SCFD2: variants seen among roughly 807,000 people sequenced by gnomAD.
SCFD2 encodes sec1 family domain-containing protein 2.
SCFD2 carries 54 observed loss-of-function variants against 58.9 expected under a neutral mutation model. The ratio of observed to expected loss-of-function variants is 0.92; its 90% CI spans 0.74 to 1.15. The LOEUF (loss-of-function observed/expected upper bound fraction) is 1.15. SCFD2 is among the 50% of genes most tolerant of loss of function. The probability of loss-of-function intolerance (pLI) is 0.00; values close to 1 mark genes in which losing one functional copy is unlikely to be tolerated. For synonymous variants in SCFD2, 321 were observed against 335.9 expected (o/e 0.96, Z 0.49); for missense variants, 805 against 836.6 (o/e 0.96, Z 0.47).
At chr4:53,196,975 A>G (rs1323766803) in intron 4 of SCFD2, among the ~76,000 whole-genome samples, 1 of 152,172 alleles carries the variant, frequency 6.6e-6, no homozygotes, top group Non-Finnish European at 1.5e-5. Context: ...CACGGAAGAT[A>G]GACAAAAGCA....
intron 5 of SCFD2, among the ~76,000 whole-genome samples, chr4:52,985,245 G>T (rs1255341102): frequency 1.3e-5 from 2 of 152,142 alleles, no homozygotes; most frequent in African/African-American, 4.8e-5. Flanking sequence ...AGTGGGACAT[G>T]GTATTCAGCA....
intron 8 of SCFD2, among the ~76,000 whole-genome samples, chr4:52,884,388 G>C (rs1718686069): frequency 6.6e-6 from 1 of 151,922 alleles, no homozygotes; most frequent in South Asian, 2.1e-4. Flanking sequence ...AACACCCCCA[G>C]AGTCAAGTCT....
At chr4:53,356,724 T>C (rs912178090) in intron 1 of SCFD2, among the ~76,000 whole-genome samples, 15 of 150,364 alleles carry the variant, frequency 1.0e-4, no homozygotes, top group Non-Finnish European at 2.1e-4. Flanking sequence ...CACACCCAAC[T>C]TGTAGACTTT....
chr4:53,059,556 C>A (rs1723444994), intron 5 of SCFD2, among the ~76,000 whole-genome samples: 1 of 151,954 alleles, frequency 6.6e-6, no homozygotes, highest in African/African-American at 2.4e-5. Flanking sequence ...TAAAGCAGAG[C>A]CTGGTTTAGT....
chr4:53,135,169 G>T (rs553391806), intron 5 of SCFD2, among the ~76,000 whole-genome samples: 1 of 152,030 alleles, frequency 6.6e-6, no homozygotes, highest in South Asian at 2.1e-4. Flanking sequence ...TTATCCATCT[G>T]GAGATCTTTT....
intron 5 of SCFD2, among the ~76,000 whole-genome samples, chr4:53,124,553 T>G (rs547895669): frequency 7.9e-5 from 12 of 152,314 alleles, no homozygotes; most frequent in African/African-American, 2.6e-4. Context: ...TGATATATTA[T>G]TACAATATTT....
chr4:53,230,782 A>T (rs978625786), intron 4 of SCFD2, among the ~76,000 whole-genome samples: 52 of 152,108 alleles, frequency 3.4e-4, no homozygotes, highest in Non-Finnish European at 2.4e-4. Context: ...AATAAAATTT[A>T]AAAAAAAGAT....
chr4:52,993,659 A>G (rs3860706), intron 5 of SCFD2, among the ~76,000 whole-genome samples: 79,738 of 152,048 alleles, frequency 0.52, 21,033 homozygotes, highest in African/African-American at 0.59. Flanking sequence ...TGAAATAAAA[A>G]TGCCACTCCA....
intron 2 of SCFD2, among the ~76,000 whole-genome samples, chr4:53,345,358 A>T (rs1316807833): frequency 1.3e-5 from 2 of 152,370 alleles, no homozygotes; most frequent in East Asian, 3.9e-4. Context: ...GTTCATTATC[A>T]CTTGTCATCA....
intron 5 of SCFD2, among the ~76,000 whole-genome samples, chr4:53,124,185 A>G (rs956260391): frequency 1.3e-5 from 2 of 152,176 alleles, no homozygotes; most frequent in Non-Finnish European, 2.9e-5. Flanking sequence ...TTTGGTGTAA[A>G]ATAAATATTA....
At chr4:53,093,905 A>G (rs192418128) in intron 5 of SCFD2, among the ~76,000 whole-genome samples, 2 of 152,260 alleles carry the variant, frequency 1.3e-5, no homozygotes, top group Admixed American at 1.3e-4. Flanking sequence ...ATTTCACTGT[A>G]TGTAATTTTT....
chr4:53,134,789 C>T (rs181163119), intron 5 of SCFD2, among the ~76,000 whole-genome samples: 1 of 152,294 alleles, frequency 6.6e-6, no homozygotes, highest in African/African-American at 2.4e-5. Flanking sequence ...TCAATTAGTG[C>T]AATTCCTACC....
At chr4:53,161,351 G>T (rs1266512138) in intron 4 of SCFD2, among the ~76,000 whole-genome samples, 1 of 152,164 alleles carries the variant, frequency 6.6e-6, no homozygotes, top group African/African-American at 2.4e-5. Context: ...GGGAAGAACA[G>T]AGCTATCTAC....
At chr4:53,295,119 C>A (rs781735520) in intron 3 of SCFD2, among the ~76,000 whole-genome samples, 1 of 152,118 alleles carries the variant, frequency 6.6e-6, no homozygotes, top group Non-Finnish European at 1.5e-5. Flanking sequence ...CTTGGCTATG[C>A]AGACTCTTTT....
At chr4:53,013,862 G>A (rs138836933) in intron 5 of SCFD2, among the ~76,000 whole-genome samples, 165 of 152,208 alleles carry the variant, frequency 1.1e-3, no homozygotes, top group African/African-American at 3.3e-3. Context: ...CTTGGATTCC[G>A]TGCAGGGGAG....
At chr4:53,339,680 G>C (rs868101099) in intron 2 of SCFD2, among the ~76,000 whole-genome samples, 3 of 152,070 alleles carry the variant, frequency 2.0e-5, no homozygotes, top group Non-Finnish European at 2.9e-5. Flanking sequence ...TGAGGCAGGA[G>C]AATGGCTCAA....
chr4:53,042,369 A>G (rs1370843560), intron 5 of SCFD2, among the ~76,000 whole-genome samples: 1 of 152,150 alleles, frequency 6.6e-6, no homozygotes, highest in Non-Finnish European at 1.5e-5. Context: ...AAAAGATCCA[A>G]GAACACTGGG....
At chr4:52,901,648 T>A (rs1719202084) in intron 7 of SCFD2, among the ~76,000 whole-genome samples, 1 of 152,190 alleles carries the variant, frequency 6.6e-6, no homozygotes, top group Admixed American at 6.5e-5. Flanking sequence ...TGCAGATTCA[T>A]GAGTAAAATG....
intron 5 of SCFD2, among the ~76,000 whole-genome samples, chr4:52,984,229 T>C (rs1721440034): frequency 6.6e-6 from 1 of 152,206 alleles, no homozygotes; most frequent in Non-Finnish European, 1.5e-5. Context: ...CTGGAGGCTA[T>C]ATTGGATATA....
Sources: gnomAD v4.1 joint callset for allele counts (sites outside exome capture counted in the v4.1 genomes callset) on GRCh38, gnomAD v4.1.1 for gene constraint, MANE v1.5 for transcripts, NCBI Gene and HGNC (gene_info 2026-07-23, HGNC 2026-07-21) for gene names.